Variants in MYO1D observed in about 807,000 individuals in gnomAD.
MYO1D encodes unconventional myosin-Id.
A neutral mutation model predicts 122.0 loss-of-function variants in MYO1D; 83 were observed. The ratio of observed to expected loss-of-function variants is 0.68; its 90% CI spans 0.57 to 0.82. The LOEUF is 0.82. Ranked by LOEUF, MYO1D falls within the 40% of genes least tolerant of loss-of-function variation. The pLI is 0.00. For missense variants in MYO1D, 1,157 were observed against 1,269.5 expected, an observed-to-expected ratio of 0.91 and a Z score of 1.35; for synonymous variants, 464 against 446.9, an observed-to-expected ratio of 1.04 and a Z score of -0.48.
rs574664512 is a variant in MYO1D, at chr17:32,494,536, G to T, written c.*223C>A. On this transcript the variant is annotated 3_prime_UTR_variant, in exon 22 of 22. Transcript: ENST00000318217. The stretch of plus-strand genomic sequence containing the variant: ...ACGTCAGCCCAGGGGTCTGGGCGGG[G>T]CACCAGGGTCTTTGGCTTATTGAAC... 2 of 597,596 alleles carry T rather than the reference G, an allele frequency of 3.3e-6. No individual in the cohort carries two copies. The highest frequency in any genetic ancestry group is 3.2e-5 in the Admixed American group (1 of 31,258). 37.0% of individuals were successfully genotyped at this position (597,596 alleles called of 1,614,324 possible).
rs2088442597 is a variant in MYO1D at position 32,654,379 on chromosome 17, A to G, written c.2490+98T>C. The G allele has an allele frequency of 3.8e-6, 5 of 1,312,128 alleles. No individual in the cohort carries two copies. The East Asian group carries it at 1.2e-4, about 31-fold the overall frequency. The allele number at this position is 1,312,128 out of a possible 1,614,324, so 81.3% of individuals were successfully genotyped here. A position where few individuals can be genotyped will look rare whatever the true frequency, so the allele number is the denominator to read the frequency against. ...CTCATAGAAATTATTTAGTTTCTAA[A>G]AGTGTTTTATCCTTTCTGCAAATTC... On this transcript the variant is annotated intron_variant, in intron 18 of 21. Transcript: ENST00000318217.
intron 21 of MYO1D, among the ~76,000 whole-genome samples, chr17:32,583,476 T>C (rs2087360271): frequency 6.6e-6 from 1 of 152,204 alleles, no homozygotes; most frequent in South Asian, 2.1e-4. Flanking sequence ...GTCCTCCTCC[T>C]TCCTTCGGGG....
chr17:32,840,050 G>A (rs543259450), intron 1 of MYO1D, among the ~76,000 whole-genome samples: 14 of 152,288 alleles, frequency 9.2e-5, no homozygotes, highest in Middle Eastern at 3.4e-3. Flanking sequence ...TGTGGGCAGA[G>A]CATAATTCCT....
intron 19 of MYO1D, among the ~76,000 whole-genome samples, chr17:32,653,015 G>A (rs541271942): frequency 9.5e-4 from 145 of 152,058 alleles, no homozygotes; most frequent in Non-Finnish European, 1.8e-3. Flanking sequence ...GGTGGTGGGC[G>A]CCTGTAGTCC....
At chr17:32,498,540 C>A (rs1909205673) in intron 21 of MYO1D, 1 of 152,220 alleles carries the variant, frequency 6.6e-6, no homozygotes, top group Admixed American at 6.5e-5. Context: ...TGTGTCGGCA[C>A]TGGAAACATG....
At chr17:32,681,312 C>T (rs1303344017) in intron 16 of MYO1D, among the ~76,000 whole-genome samples, 6 of 141,276 alleles carry the variant, frequency 4.2e-5, no homozygotes, top group Non-Finnish European at 7.7e-5. Flanking sequence ...TGTGCTTGCT[C>T]TTGCTTTTCT....
chr17:32,598,116 G>A (rs1024091236), intron 21 of MYO1D, among the ~76,000 whole-genome samples: 28 of 152,240 alleles, frequency 1.8e-4, no homozygotes, highest in African/African-American at 6.7e-4. Context: ...GCTCACGCTT[G>A]TAATCCCAGC....
At chr17:32,833,721 C>A (rs1209427062) in intron 1 of MYO1D, among the ~76,000 whole-genome samples, 1 of 152,228 alleles carries the variant, frequency 6.6e-6, no homozygotes, top group Non-Finnish European at 1.5e-5. Context: ...TTACTGGCCA[C>A]CTCCTTGCTC....
At chr17:32,791,485 T>G (rs1178037051) in intron 1 of MYO1D, among the ~76,000 whole-genome samples, 10 of 152,124 alleles carry the variant, frequency 6.6e-5, no homozygotes, top group Admixed American at 6.5e-4. Flanking sequence ...ATCACTGTAT[T>G]GTGGTTATGT....
intron 21 of MYO1D, among the ~76,000 whole-genome samples, chr17:32,551,246 C>T (rs1489999659): frequency 3.3e-5 from 5 of 152,108 alleles, no homozygotes; most frequent in Admixed American, 3.3e-4. Flanking sequence ...TGGATTAGAT[C>T]AAGAGGCAGT....
chr17:32,841,037 C>G (rs2090874950), intron 1 of MYO1D, among the ~76,000 whole-genome samples: 1 of 152,098 alleles, frequency 6.6e-6, no homozygotes, highest in Admixed American at 6.5e-5. Flanking sequence ...TGATTTTGAC[C>G]AACTGTAGGC....
At chr17:32,636,975 T>G (rs895375306) in intron 20 of MYO1D, among the ~76,000 whole-genome samples, 1 of 152,382 alleles carries the variant, frequency 6.6e-6, no homozygotes, top group Admixed American at 6.5e-5. Context: ...ACTGACGTTT[T>G]ACCTTTACTA....
At chr17:32,672,800 T>C (rs941739595) in intron 16 of MYO1D, among the ~76,000 whole-genome samples, 4 of 152,108 alleles carry the variant, frequency 2.6e-5, no homozygotes, top group African/African-American at 7.2e-5. Context: ...TGATCTCTAA[T>C]GGCATCAGCA....
intron 1 of MYO1D, among the ~76,000 whole-genome samples, chr17:32,798,883 T>C (rs1303529507): frequency 6.6e-6 from 1 of 152,212 alleles, no homozygotes; most frequent in Non-Finnish European, 1.5e-5. Flanking sequence ...TTTCTTTTTA[T>C]TTATACTTAT....
chr17:32,649,106 A>G (rs1292151372), intron 19 of MYO1D, among the ~76,000 whole-genome samples: 2 of 152,144 alleles, frequency 1.3e-5, no homozygotes, highest in Non-Finnish European at 2.9e-5. Flanking sequence ...TTACTTCTAC[A>G]TATATTATAA....
intron 5 of MYO1D, 122 bp from the exon 6 acceptor site, chr17:32,771,342 G>C (rs2090110975): frequency 1.6e-6 from 1 of 631,852 alleles, no homozygotes; most frequent in Admixed American, 3.3e-5. Context: ...CCTGTTTCTA[G>C]CTTTGAAGTT....
At chr17:32,660,893 A>G (rs1240711624) in intron 16 of MYO1D, among the ~76,000 whole-genome samples, 1 of 152,204 alleles carries the variant, frequency 6.6e-6, no homozygotes, top group Non-Finnish European at 1.5e-5. Flanking sequence ...ACAGGGTGAA[A>G]GTATGTGATT....
At chr17:32,502,728 G>A (rs1225315158) in intron 21 of MYO1D, among the ~76,000 whole-genome samples, 2 of 152,198 alleles carry the variant, frequency 1.3e-5, no homozygotes, top group Admixed American at 6.5e-5. Flanking sequence ...GGCAGGAGAC[G>A]GAGTAGACGC....
intron 16 of MYO1D, among the ~76,000 whole-genome samples, chr17:32,678,564 C>T (rs866484383): frequency 0.028 from 4,181 of 151,276 alleles, 193 homozygotes; most frequent in African/African-American, 0.094. Context: ...CAATTTCATC[C>T]ATGTCCCTAC....
Sources: gnomAD v4.1 joint callset for allele counts (sites outside exome capture counted in the v4.1 genomes callset) on GRCh38, gnomAD v4.1.1 for gene constraint, MANE v1.5 for transcripts, NCBI Gene and HGNC (gene_info 2026-07-23, HGNC 2026-07-21) for gene names.